The following CSMD1 variants were observed in gnomAD, a reference collection of about 807,000 sequenced individuals.
CSMD1 encodes CUB and Sushi multiple domains 1, also known as CUB and sushi domain-containing protein 1.
Under a neutral mutation model 417.5 loss-of-function variants are expected in CSMD1, and 213 were observed. The observed-to-expected ratio is 0.51, with a 90% CI of 0.46 to 0.57. The LOEUF is 0.57. Among genes scored for constraint, CSMD1 ranks in the 20% least tolerant of loss-of-function variants. CSMD1 has a pLI of 0.00. For missense variants in CSMD1, 6,923 were observed against 4,529.7 expected, an observed-to-expected ratio of 1.53 and a Z score of -15.17; for synonymous variants, 2,862 against 1,736.8, an observed-to-expected ratio of 1.65 and a Z score of -16.11.
chr8:4,134,728 G>C (rs762947714), intron 3 of CSMD1, among the ~76,000 whole-genome samples: 1 of 152,094 alleles, frequency 6.6e-6, no homozygotes, highest in Non-Finnish European at 1.5e-5. Context: ...TACTACAAGA[G>C]TCTCCTCCTG....
At chr8:4,367,258 G>C (rs1802131038) in intron 3 of CSMD1, among the ~76,000 whole-genome samples, 1 of 152,066 alleles carries the variant, frequency 6.6e-6, no homozygotes, top group African/African-American at 2.4e-5. Context: ...CATAAGTCCA[G>C]CCGGGCCAGA....
At chr8:4,602,919 G>T (rs557351111) in intron 2 of CSMD1, among the ~76,000 whole-genome samples, 2 of 151,708 alleles carry the variant, frequency 1.3e-5, no homozygotes, top group African/African-American at 4.8e-5. Flanking sequence ...GGTTAAAATA[G>T]ATTATTATGT....
intron 2 of CSMD1, among the ~76,000 whole-genome samples, chr8:4,438,812 T>G (rs1254505572): frequency 6.6e-6 from 1 of 152,220 alleles, no homozygotes; most frequent in Non-Finnish European, 1.5e-5. Flanking sequence ...TGCTTATTAT[T>G]CAAGATCTAA....
chr8:4,459,795 T>G (rs909390917), intron 2 of CSMD1, among the ~76,000 whole-genome samples: 15 of 152,198 alleles, frequency 9.9e-5, no homozygotes. Flanking sequence ...TTTTTGCTGT[T>G]TAAAACCATA....
At chr8:4,551,964 G>A (rs1211444258) in intron 2 of CSMD1, among the ~76,000 whole-genome samples, 1 of 151,460 alleles carries the variant, frequency 6.6e-6, no homozygotes, top group East Asian at 1.9e-4. Context: ...TGGGACTACA[G>A]GCATGAGCCA....
At chr8:4,135,880 A>G (rs1201570570) in intron 3 of CSMD1, among the ~76,000 whole-genome samples, 1 of 152,216 alleles carries the variant, frequency 6.6e-6, no homozygotes, top group Non-Finnish European at 1.5e-5. Flanking sequence ...ATGTTCTGAT[A>G]AATTGCAATG....
chr8:4,699,070 A>G (rs1807332114), intron 1 of CSMD1, among the ~76,000 whole-genome samples: 1 of 152,140 alleles, frequency 6.6e-6, no homozygotes, highest in Non-Finnish European at 1.5e-5. Context: ...ATGTGCTTTG[A>G]CGTAGATGTC....
intron 3 of CSMD1, among the ~76,000 whole-genome samples, chr8:4,156,131 C>A (rs1796821112): frequency 6.6e-6 from 1 of 152,086 alleles, no homozygotes; most frequent in Non-Finnish European, 1.5e-5. Context: ...ATTAAGAGTC[C>A]CTCTGCCTCA....
At chr8:2,960,657 G>A (rs1803375258) in intron 62 of CSMD1, among the ~76,000 whole-genome samples, 1 of 151,992 alleles carries the variant, frequency 6.6e-6, no homozygotes, top group Non-Finnish European at 1.5e-5. Context: ...ATCATACGGA[G>A]AACTAATTTC....
intron 7 of CSMD1, among the ~76,000 whole-genome samples, chr8:3,643,984 C>A (rs552801139): frequency 1.3e-5 from 2 of 152,112 alleles, no homozygotes; most frequent in African/African-American, 4.8e-5. Flanking sequence ...GAAGAGAACA[C>A]GGTGAATTCA....
chr8:4,663,591 T>A (rs1341410327), intron 1 of CSMD1, among the ~76,000 whole-genome samples: 1 of 152,156 alleles, frequency 6.6e-6, no homozygotes, highest in Admixed American at 6.5e-5. Flanking sequence ...CCCTTCACTC[T>A]CTTCCTCTTG....
intron 1 of CSMD1, among the ~76,000 whole-genome samples, chr8:4,919,798 C>T (rs932716407): frequency 2.0e-5 from 3 of 152,078 alleles, no homozygotes; most frequent in Admixed American, 1.3e-4. Context: ...TAGGTCCCCC[C>T]ATTATAAAAG....
chr8:4,453,728 C>T (rs887259418), intron 2 of CSMD1, among the ~76,000 whole-genome samples: 5 of 151,702 alleles, frequency 3.3e-5, no homozygotes, highest in African/African-American at 4.8e-5. Context: ...CGGGCTTAAC[C>T]ATCCCCAAAC....
chr8:3,110,327 C>T lies in CSMD1; in HGVS notation c.6439G>A (p.Gly2147Arg), dbSNP rs1403089884. ...YPFPRCDAPC[G>R]YNVTSQNGTI... ...CCGTTCTGAGAAGTTACGTTGTACC[C>T]ACAAGGGGCTGCAAAGGAAACCAAG... Residue 2147 changes from glycine (G) to arginine (R), a missense_variant, in exon 43 of 70, where the codon GGG becomes AGG. By Grantham distance (125) the Gly-to-Arg change is moderately radical. Coordinates refer to ENST00000635120, the MANE Select transcript of CSMD1 (RefSeq NM_033225.6). 3.1e-6 allele frequency: 5 copies of T among 1,605,944 alleles called. No individual in the cohort carries two copies. In the South Asian group the frequency reaches 5.6e-5, roughly 18 times the overall value.
intron 7 of CSMD1, among the ~76,000 whole-genome samples, chr8:3,695,006 T>G (rs537124208): frequency 6.6e-6 from 1 of 151,456 alleles, no homozygotes; most frequent in African/African-American, 2.4e-5. Flanking sequence ...GATTAGGACA[T>G]TAGACGAAGA....
At chr8:3,400,818 T>C (rs1811995731) in intron 15 of CSMD1, among the ~76,000 whole-genome samples, 1 of 151,190 alleles carries the variant, frequency 6.6e-6, no homozygotes, top group Non-Finnish European at 1.5e-5. Flanking sequence ...TATATATATA[T>C]ATTTTTCCCA....
At chr8:3,299,541 C>T (rs17079804) in intron 25 of CSMD1, among the ~76,000 whole-genome samples, 3,482 of 147,378 alleles carry the variant, frequency 0.024, 121 homozygotes, top group African/African-American at 0.08. Context: ...CATCCTCCAA[C>T]GCACAGTGTC....
At chr8:4,614,039 T>C (rs910885737) in intron 2 of CSMD1, among the ~76,000 whole-genome samples, 2 of 151,900 alleles carry the variant, frequency 1.3e-5, no homozygotes, top group Non-Finnish European at 2.9e-5. Context: ...AAATACCACA[T>C]GCAAAATTAT....
At chr8:3,217,786 A>T (rs898919631) in intron 29 of CSMD1, among the ~76,000 whole-genome samples, 1 of 152,180 alleles carries the variant, frequency 6.6e-6, no homozygotes, top group Non-Finnish European at 1.5e-5. Context: ...CAAAGAAACC[A>T]ATTTTCTACT....
Sources: gnomAD v4.1 joint callset for allele counts (sites outside exome capture counted in the v4.1 genomes callset) on GRCh38, gnomAD v4.1.1 for gene constraint, MANE v1.5 for transcripts, NCBI Gene and HGNC (gene_info 2026-07-23, HGNC 2026-07-21) for gene names.